TAMM41: variants seen among roughly 807,000 people sequenced by gnomAD.
TAMM41 encodes the protein TAM41 mitochondrial translocator assembly and maintenance homolog.
Under a neutral mutation model 44.1 loss-of-function variants are expected in TAMM41, and 36 were observed. The ratio of observed to expected loss-of-function variants is 0.82; its 90% CI spans 0.63 to 1.08. The LOEUF is 1.08. TAMM41 is among the 50% of genes least tolerant of loss of function. TAMM41 has a pLI of 0.00. For synonymous variants in TAMM41, 164 were observed against 153.1 expected (o/e 1.07, Z -0.53); for missense variants, 417 against 404.3 (o/e 1.03, Z -0.27).
At chr3:11,737,520 A>C in the TAMM41 span, among the ~76,000 whole-genome samples, 1 of 151,790 alleles carries the variant, frequency 6.6e-6, no homozygotes. Context: ...GGGTTTCTCC[A>C]TGTTGGTCAG....
intron 4 of TAMM41, among the ~76,000 whole-genome samples, chr3:11,827,403 C>T (rs1215657306): frequency 2.6e-5 from 4 of 151,324 alleles, no homozygotes; most frequent in South Asian, 2.1e-4. Flanking sequence ...TCCACCTCGC[C>T]GGTTCAAGTG....
the TAMM41 span, among the ~76,000 whole-genome samples, chr3:11,725,218 C>G: frequency 6.9e-6 from 1 of 144,016 alleles, no homozygotes; most frequent in Admixed American, 7.1e-5. Flanking sequence ...CCTCCTTCTC[C>G]TCCCTCTCCT....
At chr3:11,780,480 C>G in the TAMM41 span, among the ~76,000 whole-genome samples, 1 of 152,190 alleles carries the variant, frequency 6.6e-6, no homozygotes, top group Non-Finnish European at 1.5e-5. Context: ...ACAGTTTAGT[C>G]AAGAGGTTAA....
the TAMM41 span, among the ~76,000 whole-genome samples, chr3:11,745,637 GA>G: frequency 6.6e-6 from 1 of 152,162 alleles, no homozygotes; most frequent in Non-Finnish European, 1.5e-5. Flanking sequence ...CAAATTCATA[GA>G]GACAGAAAGT....
chr3:11,835,188 C>A (rs1277098452), intron 3 of TAMM41, among the ~76,000 whole-genome samples: 2 of 151,876 alleles, frequency 1.3e-5, no homozygotes, highest in Non-Finnish European at 2.9e-5. Flanking sequence ...ATACTACCAC[C>A]CTCTTTTCAT....
At chr3:11,846,144 G>A (rs749672144) in intron 1 of TAMM41, among the ~76,000 whole-genome samples, 1 of 152,244 alleles carries the variant, frequency 6.6e-6, no homozygotes, top group African/African-American at 2.4e-5. Flanking sequence ...GGCGGAAGCC[G>A]AGCATTAGGA....
intron 7 of TAMM41, among the ~76,000 whole-genome samples, chr3:11,804,503 C>T (rs139657687): frequency 2.6e-5 from 4 of 152,284 alleles, no homozygotes; most frequent in African/African-American, 9.6e-5. Flanking sequence ...TTAAAAAGCT[C>T]CATAACACCA....
intron 4 of TAMM41, among the ~76,000 whole-genome samples, chr3:11,828,402 T>C (rs1411898313): frequency 6.6e-6 from 1 of 152,180 alleles, no homozygotes; most frequent in Non-Finnish European, 1.5e-5. Context: ...ATCCATCCAA[T>C]GCTACGAAGA....
At chr3:11,842,499 G>A (rs2079495939) in intron 2 of TAMM41, among the ~76,000 whole-genome samples, 1 of 151,502 alleles carries the variant, frequency 6.6e-6, no homozygotes, top group African/African-American at 2.4e-5. Flanking sequence ...TTCAAGACCA[G>A]CCTGGGCAAC....
chr3:11,808,460 T>C (rs1044176278), intron 6 of TAMM41: 2 of 986,282 alleles, frequency 2.0e-6, no homozygotes, highest in Non-Finnish European at 2.4e-6. Flanking sequence ...GCAAACCTAG[T>C]GCAGGCCCAG....
At chr3:11,771,476 T>G in the TAMM41 span, 1 of 152,322 alleles carries the variant, frequency 6.6e-6, no homozygotes, top group East Asian at 1.9e-4. Context: ...TTGCCTCATT[T>G]GTTTGTTTGT....
At chr3:11,778,272 T>G in the TAMM41 span, among the ~76,000 whole-genome samples, 1 of 152,156 alleles carries the variant, frequency 6.6e-6, no homozygotes, top group East Asian at 1.9e-4. Context: ...TCACCCAGGC[T>G]GGAGTGCAGT....
chr3:11,818,859 C>G (rs754019850), intron 4 of TAMM41, among the ~76,000 whole-genome samples: 34 of 147,948 alleles, frequency 2.3e-4, no homozygotes, highest in Non-Finnish European at 4.4e-4. Context: ...GATCGCGCCA[C>G]TGCACTCCAG....
downstream of TAMM41, among the ~76,000 whole-genome samples, chr3:11,789,187 A>G (rs1234997130): frequency 6.6e-6 from 1 of 152,160 alleles, no homozygotes; most frequent in Admixed American, 6.5e-5. Flanking sequence ...CCAAAATCAC[A>G]TATCTGGTCA....
intron 7 of TAMM41, among the ~76,000 whole-genome samples, chr3:11,799,521 G>A (rs1190794149): frequency 6.6e-6 from 1 of 152,128 alleles, no homozygotes. Context: ...AATCTGAAGG[G>A]GTGCTCATCA....
At chr3:11,818,143 G>C (rs1164499570) in intron 4 of TAMM41, among the ~76,000 whole-genome samples, 1 of 152,232 alleles carries the variant, frequency 6.6e-6, no homozygotes, top group African/African-American at 2.4e-5. Flanking sequence ...GTCAAGCGTG[G>C]TGAAAGCAAT....
In TAMM41 at chr3:11,805,338, T is replaced by C. The variant is rs550970907; in HGVS notation, c.937+2495A>G. On this transcript the variant is annotated intron_variant, in intron 7 of 7. Transcript: ENST00000455809. ...TTTTTTTAGAGACAGGGTTCCACCA[T>C]GTTGCCCAGGCTGATCTCAAACTCC... Among the ~76,000 whole-genome samples, 24 of 152,270 alleles carry C rather than the reference T, an allele frequency of 1.6e-4. 1 individual carries two copies. Among genetic ancestry groups the C allele is most frequent in the Admixed American group, 1.3e-3 (20 of 15,282 alleles).
At chr3:11,809,901 T>A in intron 5 of TAMM41, 1 of 418,492 alleles carries the variant, frequency 2.4e-6, no homozygotes, top group South Asian at 6.7e-5. Flanking sequence ...CCTATAATAT[T>A]CCATTTCTAC....
At chr3:11,823,239 TTTGTTG>T (rs1230789007) in intron 4 of TAMM41, among the ~76,000 whole-genome samples, 6 of 149,902 alleles carry the variant, frequency 4.0e-5, no homozygotes, top group African/African-American at 4.9e-5. Context: ...TTTTCATTGT[TTTGTTG>T]TTGTTGTTGT....
Sources: allele counts gnomAD v4.1 joint callset (sites outside exome capture counted in the v4.1 genomes callset), GRCh38; gene constraint gnomAD v4.1.1; transcripts MANE v1.5; gene names NCBI Gene and HGNC (gene_info 2026-07-23, HGNC 2026-07-21).